The following SLAMF1 variants were observed in gnomAD, a reference collection of about 807,000 sequenced individuals.
The protein encoded by SLAMF1 is signaling lymphocytic activation molecule family member 1, also known as signaling lymphocytic activation molecule.
SLAMF1 carries 18 observed loss-of-function variants against 35.1 expected under a neutral mutation model. The observed-to-expected ratio is 0.51, with a 90% confidence interval of 0.35 to 0.76. SLAMF1 has a LOEUF of 0.76. Among genes scored for constraint, SLAMF1 ranks in the 30% least tolerant of loss-of-function variants. SLAMF1 has a pLI of 0.01. For synonymous variants in SLAMF1, 168 were observed against 157.2 expected (o/e 1.07, Z -0.51); for missense variants, 392 against 413.0 (o/e 0.95, Z 0.44).
chr1:160,630,604 A>T (rs902456752), intron 3 of SLAMF1, among the ~76,000 whole-genome samples: 1 of 152,088 alleles, frequency 6.6e-6, no homozygotes, highest in Non-Finnish European at 1.5e-5. Flanking sequence ...CCTAGGAAAA[A>T]TGTCTTTGTT....
intron 2 of SLAMF1, chr1:160,636,931 A>G (rs1361816174): frequency 6.4e-6 from 3 of 469,956 alleles, no homozygotes; most frequent in African/African-American, 5.9e-5. Context: ...CCAGCCCACA[A>G]GGAGCTGTGC....
chr1:160,635,787 G>A (rs1315003425), intron 2 of SLAMF1, among the ~76,000 whole-genome samples: 4 of 150,632 alleles, frequency 2.7e-5, no homozygotes, highest in Non-Finnish European at 5.9e-5. Context: ...CACCACCATA[G>A]CCAGGATGGT....
At chr1:160,620,435 G>A (rs148002534) in intron 4 of SLAMF1, among the ~76,000 whole-genome samples, 1,622 of 152,228 alleles carry the variant, frequency 0.011, 13 homozygotes, top group East Asian at 0.026. Context: ...ATGTCATTCT[G>A]TTGCCCACCA....
chr1:160,639,635 C>T (rs1204920770), intron 1 of SLAMF1, among the ~76,000 whole-genome samples: 1 of 152,158 alleles, frequency 6.6e-6, no homozygotes, highest in Admixed American at 6.5e-5. Flanking sequence ...CATCCCAGGC[C>T]TGGGTACTGC....
chr1:160,610,667 A>G lies in SLAMF1; in HGVS notation c.*81T>C. 7.2e-6 allele frequency: 7 copies of G among 975,948 alleles called. No individual in the cohort carries two copies. In the South Asian group the frequency reaches 9.2e-5, roughly 13 times the overall value. 60.5% of individuals were successfully genotyped at this position (975,948 alleles called of 1,614,324 possible). A position where few individuals can be genotyped will look rare whatever the true frequency, so the allele number is the denominator to read the frequency against. On this transcript the variant is annotated 3_prime_UTR_variant, in exon 7 of 7. Transcript: ENST00000302035. ...ACGTGCAGCATGTCTGCCAGAGGAA[A>G]CTTGGGGCCTGTGGCCAAGTTCAGT...
intron 3 of SLAMF1, among the ~76,000 whole-genome samples, chr1:160,629,426 C>T (rs1452668351): frequency 6.6e-6 from 1 of 152,126 alleles, no homozygotes; most frequent in East Asian, 1.9e-4. Flanking sequence ...GGAGATACTG[C>T]GACGTTAGCG....
chr1:160,625,914 T>C (rs1659860242), intron 3 of SLAMF1, among the ~76,000 whole-genome samples: 2 of 151,870 alleles, frequency 1.3e-5, no homozygotes, highest in Non-Finnish European at 2.9e-5. Flanking sequence ...ATATCGACAC[T>C]AGGAACCACT....
At chr1:160,612,613 A>G in intron 5 of SLAMF1, 33 bp from the exon 6 acceptor site, 2 of 1,332,392 alleles carry the variant, frequency 1.5e-6, no homozygotes, top group Non-Finnish European at 2.2e-6. Context: ...AGATTAGCTG[A>G]ACAGAGAGAG....
intron 1 of SLAMF1, among the ~76,000 whole-genome samples, chr1:160,644,397 A>G (rs1033833272): frequency 6.6e-6 from 1 of 152,200 alleles, no homozygotes; most frequent in African/African-American, 2.4e-5. Context: ...CCAATAATAC[A>G]TACATTTCTT....
In SLAMF1 at chr1:160,610,031, C is replaced by T; in HGVS notation, c.*717G>A. 1 of 209,024 alleles carries T rather than the reference C, an allele frequency of 4.8e-6. No homozygotes were observed. The highest frequency in any genetic ancestry group is 9.9e-6 in the Non-Finnish European group (1 of 100,992). 12.9% of individuals were successfully genotyped at this position (209,024 alleles called of 1,614,324 possible). On this transcript the variant is annotated 3_prime_UTR_variant, in exon 7 of 7. Transcript: ENST00000302035. The stretch of plus-strand genomic sequence containing the variant: ...CTACGTTTTTCTTTAAAACTGAATG[C>T]CATTTGCACAGAACTGTACTTTTAA...
intron 3 of SLAMF1, among the ~76,000 whole-genome samples, chr1:160,630,951 G>A (rs1308072876): frequency 1.3e-5 from 2 of 151,912 alleles, no homozygotes; most frequent in Non-Finnish European, 2.9e-5. Context: ...CTAATCCCCC[G>A]AGACAGTGTT....
rs1478406595 is a variant in SLAMF1 at position 160,608,469 on chromosome 1, G to A, written c.*2279C>T. The A allele has an allele frequency of 2.0e-5, 3 of 152,266 alleles. No individual in the cohort carries two copies. Among genetic ancestry groups the A allele is most frequent in the Non-Finnish European group, 4.4e-5 (3 of 68,080 alleles). 9.4% of individuals were successfully genotyped at this position (152,266 alleles called of 1,614,324 possible). On this transcript the variant is annotated 3_prime_UTR_variant, in exon 7 of 7. Coordinates refer to ENST00000302035, the MANE Select transcript of SLAMF1 (RefSeq NM_003037.5). ...AGTGCCATTTGGGGGAAACTAGAGA[G>A]TTGTGAATGTATCACCAGAAGGGGT...
At chr1:160,622,710 T>A (rs149620657) in intron 4 of SLAMF1, among the ~76,000 whole-genome samples, 3 of 152,276 alleles carry the variant, frequency 2.0e-5, no homozygotes, top group Admixed American at 2.0e-4. Flanking sequence ...AGACGAGAAG[T>A]TAAGTCATTT....
At position 160,637,373 on chromosome 1, in the gene SLAMF1, A is replaced by G; in HGVS notation, c.233T>C (p.Ile78Thr). Reference sequence around the variant, plus strand: ...TGCTTCGGATGGATCAAGAGACACTATTTTGTTCTCGACACTGTTCTCCAG... The same window carrying G: ...TGCTTCGGATGGATCAAGAGACACTGTTTTGTTCTCGACACTGTTCTCCAG... ...KSLENSVENK[I>T]VSLDPSEAGP... The change falls in exon 2 of 7, where the codon ATA (isoleucine) becomes ACA (threonine). Residue 78 changes from isoleucine to threonine, a missense_variant. By Grantham distance (89) the Ile-to-Thr change is moderately conservative (BLOSUM62 -1). Coordinates refer to ENST00000302035, the MANE Select transcript of SLAMF1 (RefSeq NM_003037.5). 1 of 1,614,068 alleles carries G rather than the reference A, an allele frequency of 6.2e-7. No homozygotes were observed. Among genetic ancestry groups the G allele is most frequent in the Non-Finnish European group, 8.5e-7 (1 of 1,179,982 alleles).
intron 6 of SLAMF1, among the ~76,000 whole-genome samples, chr1:160,611,605 G>A (rs1178621758): frequency 6.6e-6 from 1 of 152,164 alleles, no homozygotes; most frequent in Non-Finnish European, 1.5e-5. Context: ...GAGCCCAAAT[G>A]GAGCAAAGAT....
intron 1 of SLAMF1, among the ~76,000 whole-genome samples, chr1:160,638,354 C>T (rs911859961): frequency 6.6e-6 from 1 of 152,180 alleles, no homozygotes; most frequent in African/African-American, 2.4e-5. Context: ...ACTAAATCAA[C>T]CTACCTACCT....
intron 3 of SLAMF1, among the ~76,000 whole-genome samples, chr1:160,625,122 T>C (rs952104742): frequency 1.3e-4 from 20 of 152,200 alleles, no homozygotes; most frequent in Non-Finnish European, 2.2e-4. Flanking sequence ...TGTGGCTGAA[T>C]ACTAAAGACA....
At chr1:160,622,953 C>T (rs748180760) in intron 4 of SLAMF1, among the ~76,000 whole-genome samples, 6 of 152,052 alleles carry the variant, frequency 3.9e-5, no homozygotes, top group Non-Finnish European at 5.9e-5. Flanking sequence ...TAAATTTTAC[C>T]GCAAGTTTGA....
chr1:160,635,867 C>A (rs1157469550), intron 2 of SLAMF1, among the ~76,000 whole-genome samples: 1 of 151,990 alleles, frequency 6.6e-6, no homozygotes, highest in Admixed American at 6.6e-5. Flanking sequence ...GCGTGAGCCA[C>A]CTCATCATCT....
Sources: gnomAD v4.1 joint callset for allele counts (sites outside exome capture counted in the v4.1 genomes callset) on GRCh38, gnomAD v4.1.1 for gene constraint, MANE v1.5 for transcripts, NCBI Gene and HGNC (gene_info 2026-07-23, HGNC 2026-07-21) for gene names.